HVCN1: variants seen among roughly 807,000 people sequenced by gnomAD.
HVCN1 encodes the protein hydrogen voltage gated channel 1, also known as voltage-gated hydrogen channel 1.
A neutral mutation model predicts 29.2 loss-of-function variants in HVCN1; 14 were observed. The observed-to-expected ratio is 0.48, with a 90% CI of 0.32 to 0.75. The LOEUF is 0.75. HVCN1 is among the 30% of genes least tolerant of loss of function. The pLI is 0.04. For synonymous variants in HVCN1, 131 were observed against 133.2 expected, an observed-to-expected ratio of 0.98 and a Z score of 0.11; for missense variants, 263 against 341.8, an observed-to-expected ratio of 0.77 and a Z score of 1.82.
chr12:110,651,487 C>T (rs759761891), intron 5 of HVCN1, 39 bp from the exon 6 acceptor site: 1 of 1,435,472 alleles, frequency 7.0e-7, no homozygotes, highest in Non-Finnish European at 9.8e-7. Context: ...GGAGATTGGG[C>T]CTCTGGGAGG....
At chr12:110,690,942 A>G, upstream of HVCN1, among the ~76,000 whole-genome samples, 1 of 150,456 alleles carries the variant, frequency 6.6e-6, no homozygotes. Flanking sequence ...TTTAGTAGAG[A>G]CAGGGTTTCT....
intron 3 of HVCN1, among the ~76,000 whole-genome samples, chr12:110,675,733 CTA>C (rs1053314115): frequency 3.7e-4 from 56 of 151,962 alleles, no homozygotes; most frequent in African/African-American, 1.3e-3. Flanking sequence ...TGGTGAAACT[CTA>C]TCTCTACTAA....
At chr12:110,671,554 C>T (rs2068577866) in intron 3 of HVCN1, among the ~76,000 whole-genome samples, 1 of 152,138 alleles carries the variant, frequency 6.6e-6, no homozygotes, top group South Asian at 2.1e-4. Flanking sequence ...TGTTGAAGCC[C>T]CCCAGTTTGT....
intron 3 of HVCN1, among the ~76,000 whole-genome samples, chr12:110,666,268 A>G (rs946474842): frequency 1.3e-5 from 2 of 151,090 alleles, no homozygotes; most frequent in Non-Finnish European, 3.0e-5. Flanking sequence ...AAAAAATACA[A>G]AAAAATTAGC....
rs2067793458 is a variant in HVCN1 at position 110,651,067 on chromosome 12, G to A, written c.643+150C>T. 6.4e-6 allele frequency: 4 copies of A among 622,678 alleles called. No individual in the cohort carries two copies. In the South Asian group the frequency reaches 7.8e-5, roughly 12 times the overall value. The allele number at this position is 622,678 out of a possible 1,614,324, so 38.6% of individuals were successfully genotyped here. The stretch of plus-strand genomic sequence containing the variant: ...TCCTAAAGGGCTGAAGAGGAAGAAG[G>A]GAGGAGAGGGAGGTGAGGGGGCAGA... On this transcript the variant is annotated intron_variant, in intron 6 of 7. Transcript: ENST00000242607.
At chr12:110,664,314 A>T (rs769218286) in intron 3 of HVCN1, among the ~76,000 whole-genome samples, 18 of 152,236 alleles carry the variant, frequency 1.2e-4, no homozygotes, top group Non-Finnish European at 1.2e-4. Flanking sequence ...TTTGTTAAGC[A>T]ACAATGAATC....
chr12:110,693,808 C>T (rs1189735657), upstream of HVCN1, among the ~76,000 whole-genome samples: 1 of 152,160 alleles, frequency 6.6e-6, no homozygotes, highest in Non-Finnish European at 1.5e-5. Flanking sequence ...ACGATGCATT[C>T]GTTCTGTTTT....
chr12:110,661,271 C>T lies in HVCN1; in HGVS notation c.199G>A (p.Gly67Ser), dbSNP rs1261835158. 1.2e-6 allele frequency: 2 copies of T among 1,614,086 alleles called. No individual in the cohort carries two copies. The highest frequency in any genetic ancestry group is 1.3e-5 in the African/African-American group (1 of 74,932). Residue 67 changes from glycine (G) to serine (S), a missense_variant, in exon 4 of 8, where the codon GGC becomes AGC. This residue lies in a region of HVCN1 where 157 missense variants were observed against 181.3 expected (regional missense o/e 0.87). Transcript: ENST00000242607. This position sits in a 1 kb window ranked among gnomAD's most constrained non-coding sequence, Gnocchi z 6.2. Reference protein sequence around the residue: ...PPPTPVSGEEGRAAAPDVAPA... With the variant: ...PPPTPVSGEESRAAAPDVAPA... ...GCAACGTCAGGGGCTGCAGCTCTGCCTTCCTCGCCTGAGACTGGTGTGGGT... is the reference window on the plus strand; with the variant it reads ...GCAACGTCAGGGGCTGCAGCTCTGCTTTCCTCGCCTGAGACTGGTGTGGGT...
At chr12:110,668,552 C>T (rs2068451051) in intron 3 of HVCN1, among the ~76,000 whole-genome samples, 1 of 152,150 alleles carries the variant, frequency 6.6e-6, no homozygotes, top group Non-Finnish European at 1.5e-5. Flanking sequence ...AGCTTCATCA[C>T]CATCCTTGGA....
At chr12:110,675,913 A>G (rs542344060) in intron 3 of HVCN1, among the ~76,000 whole-genome samples, 2 of 152,246 alleles carry the variant, frequency 1.3e-5, no homozygotes, top group South Asian at 4.1e-4. Context: ...TGTCTCAATA[A>G]TAATAATAAT....
At chr12:110,652,241 CAA>C in intron 5 of HVCN1, among the ~76,000 whole-genome samples, 1 of 152,054 alleles carries the variant, frequency 6.6e-6, no homozygotes, top group East Asian at 1.9e-4. Context: ...TAAAAAAATA[CAA>C]AAAGTTAGGC....
chr12:110,649,343 C>A lies in HVCN1; in HGVS notation c.*67G>T. 7.6e-7 allele frequency: 1 copy of A among 1,323,222 alleles called. No individual in the cohort carries two copies. Among genetic ancestry groups the A allele is most frequent in the Non-Finnish European group, 1.1e-6 (1 of 926,638 alleles). 82.0% of individuals were successfully genotyped at this position (1,323,222 alleles called of 1,614,324 possible). Reference sequence around the variant, plus strand: ...TCACCAAGCGGCCCAGGAGGGGCAGCTGTTCCTCTCGTGACAGCACAGGCC... The same window carrying A: ...TCACCAAGCGGCCCAGGAGGGGCAGATGTTCCTCTCGTGACAGCACAGGCC... On this transcript the variant is annotated 3_prime_UTR_variant, in exon 8 of 8. Transcript: ENST00000242607.
chr12:110,693,139 C>A (rs2069438476), upstream of HVCN1, among the ~76,000 whole-genome samples: 1 of 152,036 alleles, frequency 6.6e-6, no homozygotes, highest in Non-Finnish European at 1.5e-5. Flanking sequence ...TCAGCCTCCC[C>A]AAATTTTTTT....
At chr12:110,677,181 G>A (rs1442168545) in intron 3 of HVCN1, among the ~76,000 whole-genome samples, 1 of 151,902 alleles carries the variant, frequency 6.6e-6, no homozygotes, top group Non-Finnish European at 1.5e-5. Context: ...CTCCAGCCTG[G>A]GTGATACAGC....
chr12:110,655,219 G>T lies in HVCN1; in HGVS notation c.411+15C>A. 2 of 1,591,088 alleles carry T rather than the reference G, an allele frequency of 1.3e-6. No homozygotes were observed. Among genetic ancestry groups the T allele is most frequent in the Non-Finnish European group, 1.7e-6 (2 of 1,159,070 alleles). On this transcript the variant is annotated intron_variant, in intron 5 of 7. Coordinates refer to ENST00000242607, the MANE Select transcript of HVCN1 (RefSeq NM_032369.4). ...AACATATCAGTAAGACCCCAGAAGAGCTGTCAACCCCTACCATGGCAGCAT... is the reference window on the plus strand; with the variant it reads ...AACATATCAGTAAGACCCCAGAAGATCTGTCAACCCCTACCATGGCAGCAT...
At position 110,652,904 on chromosome 12, in the gene HVCN1, C is replaced by T. The variant is rs182208282; in HGVS notation, c.412-1456G>A. Among the ~76,000 whole-genome samples, 256 of 152,272 alleles carry T rather than the reference C, an allele frequency of 1.7e-3. 1 individual carries two copies. The highest frequency in any genetic ancestry group is 5.8e-3 in the African/African-American group (243 of 41,552). ...AAATGCCCCTGGCCAGTGGAGCAGT[C>T]CAGCAAGTGACCCAACTGAGTGGGA... is the stretch of plus-strand genomic sequence containing the variant. On this transcript the variant is annotated intron_variant, in intron 5 of 7. Coordinates refer to ENST00000242607, the MANE Select transcript of HVCN1 (RefSeq NM_032369.4).
chr12:110,669,293 TCACCA>T (rs2068486220), intron 3 of HVCN1, among the ~76,000 whole-genome samples: 1 of 151,900 alleles, frequency 6.6e-6, no homozygotes, highest in African/African-American at 2.4e-5. Context: ...CCCCTCTCCC[TCACCA>T]GAACCTGCCC....
At chr12:110,693,190 C>T (rs1002088473), upstream of HVCN1, among the ~76,000 whole-genome samples, 1 of 151,952 alleles carries the variant, frequency 6.6e-6, no homozygotes, top group Non-Finnish European at 1.5e-5. Flanking sequence ...TGGCCTTTAA[C>T]TGAAATTTAA....
At chr12:110,659,779 G>A (rs1022861549) in intron 4 of HVCN1, among the ~76,000 whole-genome samples, 16 of 151,996 alleles carry the variant, frequency 1.1e-4, no homozygotes, top group Middle Eastern at 3.4e-3. Context: ...TCTAAATGGC[G>A]GGACATGGCC....
Sources: allele counts gnomAD v4.1 joint callset (sites outside exome capture counted in the v4.1 genomes callset), GRCh38; gene constraint gnomAD v4.1.1; regional missense constraint gnomAD v4.1.1; non-coding constraint Gnocchi (gnomAD v3.1); transcripts MANE v1.5; gene names NCBI Gene and HGNC (gene_info 2026-07-23, HGNC 2026-07-21).